The following PLEKHG4B variants were observed in gnomAD, a reference collection of about 807,000 sequenced individuals.
The protein encoded by PLEKHG4B is pleckstrin homology and RhoGEF domain containing G4B.
A neutral mutation model predicts 121.3 loss-of-function variants in PLEKHG4B; 111 were observed. The observed-to-expected ratio is 0.92, with a 90% CI of 0.78 to 1.07. The LOEUF (loss-of-function observed/expected upper bound fraction) is 1.07. PLEKHG4B is among the 50% of genes least tolerant of loss of function. The probability of loss-of-function intolerance (pLI) is 0.00; values close to 1 mark genes in which losing one functional copy is unlikely to be tolerated. For synonymous variants in PLEKHG4B, 738 were observed against 725.0 expected (o/e 1.02, Z -0.29); for missense variants, 1,831 against 1,757.8 (o/e 1.04, Z -0.74).
At chr5:98,418 A>G (rs1222933833) in intron 1 of PLEKHG4B, among the ~76,000 whole-genome samples, 1 of 78,042 alleles carries the variant, frequency 1.3e-5, no homozygotes, top group Non-Finnish European at 2.6e-5. Flanking sequence ...CACATTGTTT[A>G]CTGTAGCTTT....
At position 170,983 on chromosome 5, in the gene PLEKHG4B, G is replaced by T. The variant is rs889141454; in HGVS notation, c.3730-60G>T. 20 of 1,415,542 alleles carry T rather than the reference G, an allele frequency of 1.4e-5. No individual in the cohort carries two copies. The Admixed American group carries it at 2.8e-4, about 20-fold the overall frequency. 87.7% of individuals were successfully genotyped at this position (1,415,542 alleles called of 1,614,324 possible). A position where few individuals can be genotyped will look rare whatever the true frequency, so the allele number is the denominator to read the frequency against. On this transcript the variant is annotated intron_variant, in intron 14 of 19. Coordinates refer to ENST00000637938, the MANE Select transcript of PLEKHG4B (RefSeq NM_052909.5). ...GTTCCAAGTCTGACCCGGGCTGCGG[G>T]AGCCTGCTGTCTCTGGGCCTGTCAC... is the stretch of plus-strand genomic sequence containing the variant.
At chr5:96,018 C>G (rs1733618922) in intron 1 of PLEKHG4B, among the ~76,000 whole-genome samples, 1 of 152,242 alleles carries the variant, frequency 6.6e-6, no homozygotes. Context: ...TTCACTGGGA[C>G]ATCGGGGGAT....
intron 14 of PLEKHG4B, among the ~76,000 whole-genome samples, chr5:169,855 C>T (rs1346850602): frequency 6.6e-6 from 1 of 152,194 alleles, no homozygotes; most frequent in African/African-American, 2.4e-5. Context: ...TCACAGACAC[C>T]ATCACACCCA....
chr5:170,962 C>G (rs1487107619), intron 14 of PLEKHG4B, 81 bp from the exon 15 acceptor site: 2 of 1,206,728 alleles, frequency 1.7e-6, no homozygotes, highest in East Asian at 4.7e-5. Flanking sequence ...GGAGCAGTTC[C>G]AAGTCTGACC....
At chr5:144,247 T>A (rs1028352255) in intron 5 of PLEKHG4B, 1 of 152,458 alleles carries the variant, frequency 6.6e-6, no homozygotes, top group African/African-American at 2.4e-5. Context: ...CCACCTACCA[T>A]TCTCTCCTAT....
chr5:97,899 C>A (rs1317731365), intron 1 of PLEKHG4B, among the ~76,000 whole-genome samples: 1 of 152,138 alleles, frequency 6.6e-6, no homozygotes, highest in Non-Finnish European at 1.5e-5. Flanking sequence ...TCCATTCCCA[C>A]CAGCAAGTGC....
chr5:116,656 G>T (rs1734317124), intron 2 of PLEKHG4B, among the ~76,000 whole-genome samples: 1 of 152,208 alleles, frequency 6.6e-6, no homozygotes, highest in South Asian at 2.1e-4. Context: ...GCTGCTGGAA[G>T]GCACCTGGCT....
chr5:107,093 G>A (rs370054234), intron 1 of PLEKHG4B, among the ~76,000 whole-genome samples: 27 of 152,328 alleles, frequency 1.8e-4, no homozygotes, highest in African/African-American at 5.3e-4. Context: ...CACCTCTCTC[G>A]GGCTTTAGGG....
At chr5:112,802 T>C (rs773627092) in intron 1 of PLEKHG4B, among the ~76,000 whole-genome samples, 4 of 152,184 alleles carry the variant, frequency 2.6e-5, no homozygotes, top group Non-Finnish European at 5.9e-5. Context: ...CACAAGTGGT[T>C]GTCCCCTCCT....
At chr5:127,340 T>TTA (rs1686746332) in intron 2 of PLEKHG4B, among the ~76,000 whole-genome samples, 26 of 135,560 alleles carry the variant, frequency 1.9e-4, no homozygotes, top group African/African-American at 5.5e-4. Flanking sequence ...ATTGTTGGTT[T>TTA]TTATTATTAT....
intron 2 of PLEKHG4B, among the ~76,000 whole-genome samples, chr5:130,713 C>G (rs1217561865): frequency 6.6e-6 from 1 of 152,190 alleles, no homozygotes; most frequent in Non-Finnish European, 1.5e-5. Flanking sequence ...TGACACTCTC[C>G]TTGACACTGT....
chr5:92,712 G>T (rs1733507384), intron 1 of PLEKHG4B, among the ~76,000 whole-genome samples: 1 of 151,898 alleles, frequency 6.6e-6, no homozygotes, highest in South Asian at 2.1e-4. Context: ...TTGCCCTCTC[G>T]GTGCCTGAAG....
At chr5:121,662 TC>T (rs1255740708) in intron 2 of PLEKHG4B, among the ~76,000 whole-genome samples, 6 of 152,168 alleles carry the variant, frequency 3.9e-5, no homozygotes, top group Non-Finnish European at 7.4e-5. Flanking sequence ...ACCGATGACT[TC>T]CTCAGAAGCA....
At chr5:180,616 T>G (rs1736901260) in intron 18 of PLEKHG4B, among the ~76,000 whole-genome samples, 1 of 152,228 alleles carries the variant, frequency 6.6e-6, no homozygotes, top group African/African-American at 2.4e-5. Flanking sequence ...GTCCAGCTTT[T>G]CTGGTTGTTC....
chr5:140,847 C>T (rs1448331053), intron 3 of PLEKHG4B, 131 bp downstream of exon 3: 6 of 586,104 alleles, frequency 1.0e-5, no homozygotes, highest in African/African-American at 2.9e-5. Context: ...ACCACAACCT[C>T]CCCTGCACAC....
rs779913550 is a variant in PLEKHG4B, at chr5:156,137, G to T, written c.2275G>T (p.Val759Leu). The change falls in exon 10 of 20, where the codon GTG becomes TTG. Residue 759 changes from valine to leucine, a missense_variant. Transcript: ENST00000637938. The surrounding 1 kb of genome is among the most constrained non-coding windows in gnomAD (Gnocchi z 4.4). ...GCTTGTCCTGGAAGACCCACTGCTT[G>T]TGTCTCTCAGGCTGGAGGGGGGCAC... ...MKLVLEDPLL[V>L]SLRLEGGTVL... 4 of 1,597,724 alleles carry T rather than the reference G, an allele frequency of 2.5e-6. No individual in the cohort carries two copies. In the South Asian group the frequency reaches 4.5e-5, roughly 18 times the overall value.
rs768059163 is a variant in PLEKHG4B, at chr5:156,890, A to G, written c.2466A>G (p.Ser822=). ...QQLEHLRELA[S]LLEGNDQQSC... ...TGGAGCACCTCCGGGAGCTGGCGTC[A>G]CTCCTGGAAGGGAATGACCAGGTCA... Residue 822 remains serine, a synonymous_variant, in exon 11 of 20, where the codon TCA becomes TCG. Coordinates refer to ENST00000637938, the MANE Select transcript of PLEKHG4B (RefSeq NM_052909.5). This position sits in a 1 kb window ranked among gnomAD's most constrained non-coding sequence, Gnocchi z 4.4. The G allele has an allele frequency of 6.2e-7, 1 of 1,611,268 alleles. No homozygotes were observed. The highest frequency in any genetic ancestry group is 8.5e-7 in the Non-Finnish European group (1 of 1,179,298).
rs430019 is a variant in PLEKHG4B at position 164,627 on chromosome 5, A to G, written c.3476+1079A>G. On this transcript the variant is annotated intron_variant, in intron 13 of 19. Coordinates refer to ENST00000637938, the MANE Select transcript of PLEKHG4B (RefSeq NM_052909.5). ...GGAGCTCACAGTAATGCTGTGACGG[A>G]GCGGAGCTCACACTAATGCTCTGAC... Among the ~76,000 whole-genome samples, 763 of 107,498 alleles carry G rather than the reference A, an allele frequency of 7.1e-3. 62 individuals carry two copies. The highest frequency in any genetic ancestry group is 0.011 in the Non-Finnish European group (560 of 49,020). 70.5% of individuals were successfully genotyped at this position (107,498 alleles called of 152,430 possible). A position where few individuals can be genotyped will look rare whatever the true frequency, so the allele number is the denominator to read the frequency against.
intron 12 of PLEKHG4B, among the ~76,000 whole-genome samples, 179 bp from the exon 13 acceptor site, chr5:162,543 C>T (rs1369877716): frequency 6.6e-6 from 1 of 152,274 alleles, no homozygotes; most frequent in Non-Finnish European, 1.5e-5. Context: ...TCAGACACAG[C>T]CCACCTGCCC....
Sources: gnomAD v4.1 joint callset for allele counts (sites outside exome capture counted in the v4.1 genomes callset) on GRCh38, gnomAD v4.1.1 for gene constraint, Gnocchi (gnomAD v3.1) non-coding constraint, MANE v1.5 for transcripts, NCBI Gene and HGNC (gene_info 2026-07-23, HGNC 2026-07-21) for gene names.